RIC3: variants seen among roughly 807,000 people sequenced by gnomAD.
RIC3 encodes the protein protein RIC-3.
In RIC3, 28 loss-of-function variants were observed where a neutral mutation model predicts 27.3. The ratio of observed to expected loss-of-function variants is 1.02; its 90% CI spans 0.76 to 1.41. The LOEUF is 1.41. RIC3 is among the 40% of genes most tolerant of loss of function. The pLI is 0.00. For synonymous variants in RIC3, 184 were observed against 160.4 expected (o/e 1.15, Z -1.11); for missense variants, 501 against 444.7 (o/e 1.13, Z -1.14).
At chr11:8,114,606 C>A (rs377705768) in intron 5 of RIC3, among the ~76,000 whole-genome samples, 24 of 136,648 alleles carry the variant, frequency 1.8e-4, no homozygotes, top group South Asian at 2.4e-4. Flanking sequence ...AACTCCATCT[C>A]AAAAAAAAAA....
At chr11:8,159,647 A>C (rs1249781719) in intron 1 of RIC3, among the ~76,000 whole-genome samples, 1 of 152,184 alleles carries the variant, frequency 6.6e-6, no homozygotes, top group Non-Finnish European at 1.5e-5. Flanking sequence ...GGACTCTAAA[A>C]GCAGTTTTAA....
At chr11:8,117,995 G>A (rs1564977589) in intron 5 of RIC3, among the ~76,000 whole-genome samples, 1 of 151,824 alleles carries the variant, frequency 6.6e-6, no homozygotes, top group Admixed American at 6.6e-5. Flanking sequence ...GGCCGAGGCG[G>A]GCAGATCACG....
intron 4 of RIC3, chr11:8,128,278 C>A: frequency 2.2e-6 from 1 of 457,346 alleles, no homozygotes; most frequent in South Asian, 1.5e-5. Flanking sequence ...AGACTGTACG[C>A]AGGGCATTCT....
intron 5 of RIC3, among the ~76,000 whole-genome samples, chr11:8,122,978 C>A (rs142075878): frequency 4.0e-5 from 6 of 149,642 alleles, no homozygotes; most frequent in African/African-American, 1.5e-4. Flanking sequence ...TTAAAACAGT[C>A]AAGAAAGCTA....
At chr11:8,164,593 T>C (rs555107800) in intron 1 of RIC3, among the ~76,000 whole-genome samples, 3 of 151,958 alleles carry the variant, frequency 2.0e-5, no homozygotes, top group African/African-American at 7.2e-5. Context: ...CTGGGAAATA[T>C]AGTGAGAGCC....
At chr11:8,139,921 T>C (rs757434568) in intron 2 of RIC3, 46 bp downstream of exon 2, 3 of 1,493,206 alleles carry the variant, frequency 2.0e-6, no homozygotes, top group African/African-American at 1.4e-5. Context: ...TTTATTGCCA[T>C]ATTAGATTTT....
At chr11:8,111,363 C>G (rs991875032) in intron 5 of RIC3, among the ~76,000 whole-genome samples, 5 of 151,306 alleles carry the variant, frequency 3.3e-5, no homozygotes, top group African/African-American at 1.2e-4. Flanking sequence ...GATGAAAATC[C>G]CTTCTTATGT....
rs1944926475 is a variant in RIC3 at position 8,108,682 on chromosome 11, G to C, written c.*2016C>G. 1.3e-5 allele frequency: 2 copies of C among 152,102 alleles called. No individual in the cohort carries two copies. The highest frequency in any genetic ancestry group is 4.8e-5 in the African/African-American group (2 of 41,406). The allele number at this position is 152,102 out of a possible 1,614,324, so 9.4% of individuals were successfully genotyped here. A position where few individuals can be genotyped will look rare whatever the true frequency, so the allele number is the denominator to read the frequency against. On this transcript the variant is annotated 3_prime_UTR_variant, in exon 6 of 6. Coordinates refer to ENST00000309737, the MANE Select transcript of RIC3 (RefSeq NM_001206671.4). ...TTCACGATCCTGAGCCCTCTTACAGGGTCATAGTTCATTTTATCTGTCAGG... is the reference window on the plus strand; with the variant it reads ...TTCACGATCCTGAGCCCTCTTACAGCGTCATAGTTCATTTTATCTGTCAGG...
Position 8,168,851 on chromosome 11 carries a change from C to G in RIC3, c.124+15G>C, listed in dbSNP as rs369052723. ...TCGGCGCCGGGAAGCTCAGAGGGAG[C>G]TGGCCTGCTCTTACCTTCAGGTGTC... On this transcript the variant is annotated intron_variant, in intron 1 of 5. Transcript: ENST00000309737. 6 of 1,608,582 alleles carry G rather than the reference C, an allele frequency of 3.7e-6. 1 individual carries two copies. The South Asian group carries it at 6.6e-5, about 18-fold the overall frequency.
intron 5 of RIC3, among the ~76,000 whole-genome samples, chr11:8,114,514 A>G (rs1039684189): frequency 1.3e-5 from 2 of 151,774 alleles, no homozygotes; most frequent in African/African-American, 4.8e-5. Flanking sequence ...GCTGAGGCAG[A>G]AGAATCGCTT....
At chr11:8,134,923 T>G (rs964652247) in intron 4 of RIC3, among the ~76,000 whole-genome samples, 2 of 152,192 alleles carry the variant, frequency 1.3e-5, no homozygotes, top group Non-Finnish European at 2.9e-5. Flanking sequence ...TTGCAACAAT[T>G]TTTTCCCATT....
chr11:8,097,711 A>C, the RIC3 span: 1 of 1,611,676 alleles, frequency 6.2e-7, no homozygotes, highest in Non-Finnish European at 8.5e-7. Context: ...TCCACTCCCC[A>C]AGGTGTTCCT....
At chr11:8,131,512 T>C (rs1393013078) in intron 4 of RIC3, among the ~76,000 whole-genome samples, 4 of 152,178 alleles carry the variant, frequency 2.6e-5, no homozygotes, top group Admixed American at 6.5e-5. Flanking sequence ...CTATGAGATA[T>C]GTCCAGTGGG....
the RIC3 span, chr11:8,098,775 C>T: frequency 2.5e-6 from 4 of 1,613,788 alleles, no homozygotes; most frequent in Non-Finnish European, 2.5e-6. Context: ...TTGATGGGCA[C>T]CAAGTTCACT....
At chr11:8,134,225 T>C (rs1168065325) in intron 4 of RIC3, among the ~76,000 whole-genome samples, 2 of 152,182 alleles carry the variant, frequency 1.3e-5, no homozygotes, top group Non-Finnish European at 2.9e-5. Context: ...AATTCCCACC[T>C]ATGAGTGAGA....
At chr11:8,161,302 C>T (rs1309757845) in intron 1 of RIC3, among the ~76,000 whole-genome samples, 1 of 152,162 alleles carries the variant, frequency 6.6e-6, no homozygotes. Flanking sequence ...TTCCTTTTGG[C>T]ATAGTGAACT....
chr11:8,111,896 G>A (rs73409663), intron 5 of RIC3, among the ~76,000 whole-genome samples: 8 of 152,382 alleles, frequency 5.2e-5, no homozygotes, highest in African/African-American at 1.9e-4. Context: ...GCAAGCCTGA[G>A]CAGCAGATGG....
At chr11:8,135,099 G>A (rs1429482318) in intron 4 of RIC3, among the ~76,000 whole-genome samples, 1 of 152,080 alleles carries the variant, frequency 6.6e-6, no homozygotes, top group Non-Finnish European at 1.5e-5. Context: ...TTTCTTCTAG[G>A]GTTTTTATGG....
chr11:8,161,086 AT>A (rs947295039), intron 1 of RIC3, among the ~76,000 whole-genome samples: 1 of 152,232 alleles, frequency 6.6e-6, no homozygotes, highest in African/African-American at 2.4e-5. Flanking sequence ...GGGTATGGTA[AT>A]CTATATGTTG....
Sources: gnomAD v4.1 joint callset for allele counts (sites outside exome capture counted in the v4.1 genomes callset) on GRCh38, gnomAD v4.1.1 for gene constraint, MANE v1.5 for transcripts, NCBI Gene and HGNC (gene_info 2026-07-23, HGNC 2026-07-21) for gene names.